FAT3: variants seen among roughly 807,000 people sequenced by gnomAD.
FAT3 encodes FAT atypical cadherin 3.
FAT3 carries 95 observed loss-of-function variants against 310.2 expected under a neutral mutation model. That is an observed-to-expected ratio of 0.31 (90% CI 0.26 to 0.36). The LOEUF is 0.36. Among genes scored for constraint, FAT3 ranks in the 10% least tolerant of loss-of-function variants. The probability of loss-of-function intolerance (pLI) is 1.00; values close to 1 mark genes in which losing one functional copy is unlikely to be tolerated. For missense variants in FAT3, 5,408 were observed against 5,715.6 expected (o/e 0.95, Z 1.74); for synonymous variants, 2,314 against 2,192.9 (o/e 1.06, Z -1.54).
intron 1 of FAT3, among the ~76,000 whole-genome samples, chr11:92,278,140 G>T (rs1946327059): frequency 6.6e-6 from 1 of 152,112 alleles, no homozygotes; most frequent in Admixed American, 6.6e-5. Flanking sequence ...GGAGTGGCTG[G>T]GTAAGAGGGC....
At chr11:92,328,148 T>G (rs1218800854) in intron 1 of FAT3, among the ~76,000 whole-genome samples, 2 of 152,132 alleles carry the variant, frequency 1.3e-5, no homozygotes, top group Non-Finnish European at 2.9e-5. Context: ...GGACATTAAG[T>G]GCTTTTGACT....
At chr11:92,406,482 A>G (rs558492821) in intron 2 of FAT3, 3 of 152,304 alleles carry the variant, frequency 2.0e-5, no homozygotes, top group South Asian at 2.1e-4. Context: ...AAATTCCTTT[A>G]TAAGTAAGTG....
At chr11:92,688,918 G>A (rs1425154751) in intron 3 of FAT3, among the ~76,000 whole-genome samples, 1 of 152,142 alleles carries the variant, frequency 6.6e-6, no homozygotes, top group Non-Finnish European at 1.5e-5. Flanking sequence ...GACAGAGTGA[G>A]TATTAAATGT....
intron 1 of FAT3, among the ~76,000 whole-genome samples, chr11:92,307,244 C>T (rs1947165661): frequency 8.0e-6 from 1 of 125,116 alleles, no homozygotes; most frequent in Non-Finnish European, 1.6e-5. Context: ...TACAAGATAA[C>T]ACAGCCCGTT....
intron 1 of FAT3, among the ~76,000 whole-genome samples, chr11:92,308,476 G>T (rs1463970143): frequency 6.6e-6 from 1 of 152,040 alleles, no homozygotes; most frequent in East Asian, 1.9e-4. Context: ...ATCAAAACCA[G>T]AGAAAAAAAT....
intron 4 of FAT3, among the ~76,000 whole-genome samples, chr11:92,735,282 G>A (rs546498531): frequency 9.2e-5 from 14 of 152,224 alleles, no homozygotes; most frequent in African/African-American, 3.4e-4. Context: ...TTGCAATTCT[G>A]AATTGGAGTT....
chr11:92,819,794 T>C (rs1947913281), intron 13 of FAT3, among the ~76,000 whole-genome samples: 1 of 152,114 alleles, frequency 6.6e-6, no homozygotes, highest in African/African-American at 2.4e-5. Context: ...TAAGAAAATA[T>C]CTGATTTATA....
chr11:92,306,632 A>C (rs1390292225), intron 1 of FAT3, among the ~76,000 whole-genome samples: 1 of 120,422 alleles, frequency 8.3e-6, no homozygotes, highest in African/African-American at 3.2e-5. Context: ...TATTATATTT[A>C]TATTATATAT....
intron 1 of FAT3, among the ~76,000 whole-genome samples, chr11:92,239,351 T>C (rs1864571157): frequency 6.6e-6 from 1 of 152,062 alleles, no homozygotes; most frequent in Non-Finnish European, 1.5e-5. Flanking sequence ...CCTTCAAACA[T>C]CTGCACGTGC....
rs75065148 is a variant in FAT3 at position 92,524,590 on chromosome 11, C to G, written c.3293-44C>G. On this transcript the variant is annotated intron_variant, in intron 2 of 27. Transcript: ENST00000525166. The stretch of plus-strand genomic sequence containing the variant: ...GAATTTGAGATTATTTATTTAATGT[C>G]TTCCCTTTCTCTGTGACAGTAACAC... 5,762 of 1,564,658 alleles carry G rather than the reference C, an allele frequency of 3.7e-3. 165 individuals carry two copies. The African/African-American group carries it at 0.07, about 19-fold the overall frequency.
At chr11:92,390,829 G>C (rs1307791753) in intron 2 of FAT3, among the ~76,000 whole-genome samples, 2 of 152,156 alleles carry the variant, frequency 1.3e-5, no homozygotes, top group African/African-American at 4.8e-5. Flanking sequence ...TGGGAGCAGG[G>C]TGAGCAAAAA....
At chr11:92,351,222 C>T (rs1220853452) in intron 1 of FAT3, among the ~76,000 whole-genome samples, 1 of 152,108 alleles carries the variant, frequency 6.6e-6, no homozygotes, top group Non-Finnish European at 1.5e-5. Context: ...GGATTATTGT[C>T]TCTGCTTTGT....
intron 2 of FAT3, among the ~76,000 whole-genome samples, chr11:92,493,504 A>G (rs2135244991): frequency 6.6e-6 from 1 of 152,190 alleles, no homozygotes; most frequent in South Asian, 2.1e-4. Flanking sequence ...TGCTTTGAAT[A>G]CACTAACACT....
chr11:92,785,929 T>C (rs141796773), intron 7 of FAT3, among the ~76,000 whole-genome samples: 1 of 152,308 alleles, frequency 6.6e-6, no homozygotes, highest in East Asian at 1.9e-4. Context: ...TAAAATGTAC[T>C]ATAAAGCCTC....
intron 1 of FAT3, among the ~76,000 whole-genome samples, chr11:92,281,557 G>A (rs1178300599): frequency 6.6e-6 from 1 of 152,034 alleles, no homozygotes; most frequent in Non-Finnish European, 1.5e-5. Flanking sequence ...GCCAATCACT[G>A]ACTCATTCAT....
intron 2 of FAT3, among the ~76,000 whole-genome samples, chr11:92,492,710 C>T (rs1952645008): frequency 1.3e-5 from 2 of 152,116 alleles, no homozygotes; most frequent in South Asian, 4.1e-4. Flanking sequence ...CTGGTACCAA[C>T]CCTGTGGCAG....
intron 3 of FAT3, among the ~76,000 whole-genome samples, chr11:92,572,127 C>T (rs1221660509): frequency 6.6e-6 from 1 of 152,188 alleles, no homozygotes; most frequent in Non-Finnish European, 1.5e-5. Flanking sequence ...GACATGGCCC[C>T]TGCCCTTATG....
chr11:92,896,093 TTAAG>T lies in FAT3; in HGVS notation c.*4983_*4986del, dbSNP rs770470333. On this transcript the variant is annotated 3_prime_UTR_variant, in exon 28 of 28. Coordinates refer to ENST00000525166, the MANE Select transcript of FAT3 (RefSeq NM_001367949.2). ...AAAAAGAATGTGTTTTGCCCAGTTA[TTAAG>T]TATTTTATTTTTATGCAATTTCAGA... is the stretch of plus-strand genomic sequence containing the variant. 6.6e-5 allele frequency: 10 copies of T among 152,278 alleles called. No individual in the cohort carries two copies. Among genetic ancestry groups the T allele is most frequent in the Middle Eastern group, 3.4e-3 (1 of 294 alleles). 9.4% of individuals were successfully genotyped at this position (152,278 alleles called of 1,614,324 possible).
rs183924116 is a variant in FAT3 at position 92,864,766 on chromosome 11, G to T, written c.11659-1975G>T. Among the ~76,000 whole-genome samples the T allele has an allele frequency of 2.6e-5, 4 of 152,156 alleles. No individual in the cohort carries two copies. In the East Asian group the frequency reaches 7.7e-4, roughly 29 times the overall value. On this transcript the variant is annotated intron_variant, in intron 21 of 27. Transcript: ENST00000525166. ...AGGGAGTTGGATGTTGCAGTGAGCC[G>T]AGATCATGCCACTGCACTCCAGCCT... is the stretch of plus-strand genomic sequence containing the variant.
Sources: allele counts gnomAD v4.1 joint callset (sites outside exome capture counted in the v4.1 genomes callset), GRCh38; gene constraint gnomAD v4.1.1; transcripts MANE v1.5; gene names NCBI Gene and HGNC (gene_info 2026-07-23, HGNC 2026-07-21).